The following TMEM117 variants were observed in gnomAD, a reference collection of about 807,000 sequenced individuals.
TMEM117 encodes transmembrane protein 117.
Under a neutral mutation model 52.4 loss-of-function variants are expected in TMEM117, and 27 were observed. The observed-to-expected ratio is 0.51, with a 90% CI of 0.38 to 0.71. The LOEUF (loss-of-function observed/expected upper bound fraction) is 0.71. TMEM117 is among the 30% of genes least tolerant of loss of function. The pLI, the probability that TMEM117 is intolerant of heterozygous loss-of-function variation, is 0.00. For synonymous variants in TMEM117, 215 were observed against 206.3 expected, an observed-to-expected ratio of 1.04 and a Z score of -0.36; for missense variants, 556 against 630.5, an observed-to-expected ratio of 0.88 and a Z score of 1.26.
At chr12:43,982,822 C>T (rs1945782275) in intron 3 of TMEM117, among the ~76,000 whole-genome samples, 1 of 152,150 alleles carries the variant, frequency 6.6e-6, no homozygotes, top group Non-Finnish European at 1.5e-5. Context: ...TTTAGAAGCT[C>T]AGCTATCAAA....
chr12:44,263,018 A>G (rs754651446), intron 5 of TMEM117, among the ~76,000 whole-genome samples: 1 of 152,224 alleles, frequency 6.6e-6, no homozygotes, highest in Non-Finnish European at 1.5e-5. Context: ...ATAATTCTTT[A>G]TTGAAATTGT....
intron 5 of TMEM117, among the ~76,000 whole-genome samples, chr12:44,273,007 G>A (rs141589772): frequency 6.6e-6 from 1 of 152,194 alleles, no homozygotes; most frequent in Admixed American, 6.5e-5. Flanking sequence ...TTAAGAAAAT[G>A]TGGCACATAT....
At chr12:44,137,649 G>A (rs749808865) in intron 3 of TMEM117, among the ~76,000 whole-genome samples, 6 of 152,104 alleles carry the variant, frequency 3.9e-5, no homozygotes, top group South Asian at 4.1e-4. Flanking sequence ...CACATCTTAC[G>A]TGGATGGCGG....
At chr12:44,307,631 C>T (rs1161594213) in intron 6 of TMEM117, among the ~76,000 whole-genome samples, 1 of 152,208 alleles carries the variant, frequency 6.6e-6, no homozygotes, top group East Asian at 1.9e-4. Context: ...TCCCTCATTA[C>T]TGCTAGTACA....
chr12:44,198,601 C>T (rs963614026), intron 4 of TMEM117, among the ~76,000 whole-genome samples: 3 of 152,098 alleles, frequency 2.0e-5, no homozygotes, highest in African/African-American at 7.2e-5. Flanking sequence ...TGACTTACCC[C>T]AAGAGGGTAT....
At chr12:44,065,568 G>C (rs1463714018) in intron 3 of TMEM117, among the ~76,000 whole-genome samples, 1 of 152,150 alleles carries the variant, frequency 6.6e-6, no homozygotes, top group African/African-American at 2.4e-5. Flanking sequence ...GGAATTGTGA[G>C]TATGATTATA....
chr12:44,119,501 C>T (rs1948198613), intron 3 of TMEM117, among the ~76,000 whole-genome samples: 1 of 152,168 alleles, frequency 6.6e-6, no homozygotes, highest in Non-Finnish European at 1.5e-5. Flanking sequence ...TTGATCATTC[C>T]TATCTATCCA....
intron 3 of TMEM117, among the ~76,000 whole-genome samples, chr12:44,104,960 G>C (rs1947927667): frequency 6.6e-6 from 1 of 151,752 alleles, no homozygotes. Flanking sequence ...GTAGACTTTT[G>C]ACATTGATCC....
At chr12:43,945,566 A>C (rs1004640902) in intron 3 of TMEM117, among the ~76,000 whole-genome samples, 1 of 152,034 alleles carries the variant, frequency 6.6e-6, no homozygotes, top group Non-Finnish European at 1.5e-5. Flanking sequence ...CAGGTGATCC[A>C]CCCGCTTTGG....
intron 2 of TMEM117, among the ~76,000 whole-genome samples, chr12:43,873,153 T>C (rs1943735163): frequency 6.6e-6 from 1 of 152,214 alleles, no homozygotes; most frequent in African/African-American, 2.4e-5. Flanking sequence ...TAATTAAAAC[T>C]GCTTCTAATT....
intron 5 of TMEM117, among the ~76,000 whole-genome samples, chr12:44,292,106 A>G (rs1592670751): frequency 6.6e-6 from 1 of 151,928 alleles, no homozygotes; most frequent in African/African-American, 2.4e-5. Flanking sequence ...TTGTGAAGCT[A>G]TCAGGTTTTA....
intron 3 of TMEM117, among the ~76,000 whole-genome samples, chr12:44,031,726 C>T (rs972633642): frequency 6.6e-6 from 1 of 152,166 alleles, no homozygotes; most frequent in Non-Finnish European, 1.5e-5. Flanking sequence ...ATATTTGTTT[C>T]TCTCTACCTG....
chr12:44,025,856 C>T (rs1050928291), intron 3 of TMEM117, among the ~76,000 whole-genome samples: 4 of 152,206 alleles, frequency 2.6e-5, no homozygotes, highest in East Asian at 3.9e-4. Context: ...CAATTCTTGA[C>T]GAAGAATTTA....
At chr12:44,398,639 G>C in the TMEM117 span, among the ~76,000 whole-genome samples, 2 of 152,160 alleles carry the variant, frequency 1.3e-5, no homozygotes, top group African/African-American at 4.8e-5. Flanking sequence ...TGGCTCCTGA[G>C]AACAGGCCTA....
At chr12:43,823,647 G>A in the TMEM117 span, among the ~76,000 whole-genome samples, 1 of 152,024 alleles carries the variant, frequency 6.6e-6, no homozygotes, top group Admixed American at 6.6e-5. Context: ...CCAAGTAGCT[G>A]GGACTACAGG....
At chr12:44,008,522 C>A in intron 3 of TMEM117, 1 of 167,918 alleles carries the variant, frequency 6.0e-6, no homozygotes, top group Non-Finnish European at 1.3e-5. Context: ...AGATCTATCC[C>A]TCCCAAATGT....
intron 6 of TMEM117, among the ~76,000 whole-genome samples, chr12:44,370,709 A>G (rs960770742): frequency 1.3e-5 from 2 of 151,726 alleles, no homozygotes; most frequent in African/African-American, 4.8e-5. Flanking sequence ...GTAGAGACGG[A>G]TTTCTGTCAC....
intron 3 of TMEM117, among the ~76,000 whole-genome samples, chr12:44,030,950 A>G (rs1459004375): frequency 2.0e-5 from 3 of 152,156 alleles, no homozygotes; most frequent in African/African-American, 4.8e-5. Flanking sequence ...TAAAGCAAAA[A>G]CCTGCTTATA....
chr12:44,117,346 T>G (rs1273196379), intron 3 of TMEM117, among the ~76,000 whole-genome samples: 3 of 148,434 alleles, frequency 2.0e-5, no homozygotes, highest in Non-Finnish European at 4.4e-5. Flanking sequence ...AGCATACTGT[T>G]TTTTTTTCTT....
Sources: allele counts gnomAD v4.1 joint callset (sites outside exome capture counted in the v4.1 genomes callset), GRCh38; gene constraint gnomAD v4.1.1; transcripts MANE v1.5; gene names NCBI Gene and HGNC (gene_info 2026-07-23, HGNC 2026-07-21).